SETD5: variants seen among roughly 807,000 people sequenced by gnomAD.
SETD5 encodes SET domain containing 5.
SETD5 carries 44 observed loss-of-function variants against 153.3 expected under a neutral mutation model. That is an observed-to-expected ratio of 0.29 (90% CI 0.23 to 0.37). The LOEUF is 0.37. Ranked by LOEUF, SETD5 falls within the 10% of genes least tolerant of loss-of-function variation. The probability of loss-of-function intolerance (pLI) is 1.00; values close to 1 mark genes in which losing one functional copy is unlikely to be tolerated. For missense variants in SETD5, 1,544 were observed against 1,768.0 expected (o/e 0.87, Z 2.27); for synonymous variants, 716 against 645.2 (o/e 1.11, Z -1.66).
At chr3:9,471,811 G>A (rs1470021306) in intron 19 of SETD5, among the ~76,000 whole-genome samples, 1 of 152,226 alleles carries the variant, frequency 6.6e-6, no homozygotes, top group Non-Finnish European at 1.5e-5. Flanking sequence ...TGAATGTCCT[G>A]TATAGGGGAC....
chr3:9,447,262 C>A lies in SETD5; in HGVS notation c.1737C>A (p.Thr579=), dbSNP rs757646269. The A allele has an allele frequency of 1.2e-6, 2 of 1,614,022 alleles. No individual in the cohort carries two copies. The highest frequency in any genetic ancestry group is 4.5e-5 in the East Asian group (2 of 44,882). Reference sequence around the variant, plus strand: ...TTTCAAATGTTACCATCCCAAGCACCCCACAGAGTGTTGGTGTGAATACCC... The same window carrying A: ...TTTCAAATGTTACCATCCCAAGCACACCACAGAGTGTTGGTGTGAATACCC... ...NSVSNVTIPS[T]PQSVGVNTRR... is the part of the protein sequence containing the mutation. The change falls in exon 14 of 23, where the codon ACC becomes ACA. Residue 579 remains threonine (T), a synonymous_variant. Coordinates refer to ENST00000402198, the MANE Select transcript of SETD5 (RefSeq NM_001080517.3).
intron 3 of SETD5, chr3:9,429,275 A>T: frequency 4.0e-6 from 1 of 252,640 alleles, no homozygotes; most frequent in Non-Finnish European, 7.8e-6. Flanking sequence ...CATTTGTTTT[A>T]ATGGGTGGAG....
intron 9 of SETD5, 48 bp from the exon 10 acceptor site, chr3:9,442,080 C>A (rs771736764): frequency 1.6e-6 from 2 of 1,272,026 alleles, no homozygotes; most frequent in Admixed American, 1.9e-5. Flanking sequence ...CATGGGGTGG[C>A]CTTCTTATTT....
At chr3:9,452,457 G>C (rs533364789) in intron 16 of SETD5, among the ~76,000 whole-genome samples, 1 of 152,240 alleles carries the variant, frequency 6.6e-6, no homozygotes, top group African/African-American at 2.4e-5. Context: ...ATCTAAGATA[G>C]TTCATTCTTC....
intron 18 of SETD5, chr3:9,464,922 T>G (rs2044378656): frequency 1.9e-6 from 1 of 530,338 alleles, no homozygotes; most frequent in Non-Finnish European, 3.4e-6. Flanking sequence ...ATGCAGTCCA[T>G]CAATCTCCAT....
intron 19 of SETD5, among the ~76,000 whole-genome samples, chr3:9,471,379 A>G (rs892895738): frequency 1.3e-5 from 2 of 152,220 alleles, no homozygotes; most frequent in Non-Finnish European, 2.9e-5. Context: ...TTGAGAGAGA[A>G]GGCTGGAGTG....
chr3:9,459,475 A>T (rs868166703), intron 17 of SETD5, among the ~76,000 whole-genome samples: 1 of 152,160 alleles, frequency 6.6e-6, no homozygotes, highest in Non-Finnish European at 1.5e-5. Context: ...AATTTGTAAG[A>T]ATATTAAAAG....
At chr3:9,442,991 G>T (rs771331086) in intron 10 of SETD5, 54 of 210,366 alleles carry the variant, frequency 2.6e-4, no homozygotes, top group Admixed American at 2.7e-4. Context: ...CGTGAGCCGA[G>T]ATCACGCCAC....
At chr3:9,429,915 G>C in intron 3 of SETD5, 3 of 1,303,412 alleles carry the variant, frequency 2.3e-6, no homozygotes, top group Non-Finnish European at 3.0e-6. Flanking sequence ...AGGGGCCTAG[G>C]GGGCAGCACA....
Position 9,448,017 on chromosome 3 carries a change from A to T in SETD5, c.2103+11A>T. On this transcript the variant is annotated intron_variant, in intron 15 of 22. Coordinates refer to ENST00000402198, the MANE Select transcript of SETD5 (RefSeq NM_001080517.3). ...CCCAAAACCAAAAAGGTAAGTCACA[A>T]ATGCATCCTTTATAAGTCCAGTCTG... The T allele has an allele frequency of 3.7e-6, 6 of 1,607,710 alleles. No individual in the cohort carries two copies. The highest frequency in any genetic ancestry group is 3.3e-5 in the South Asian group (3 of 90,418).
At chr3:9,430,965 G>A in intron 3 of SETD5, 1 of 985,400 alleles carries the variant, frequency 1.0e-6, no homozygotes, top group Non-Finnish European at 1.2e-6. Context: ...TCTGCAAAGG[G>A]AAAGAATGTC....
At chr3:9,474,947 A>T (rs572125288) in intron 21 of SETD5, 121 bp from the exon 22 acceptor site, 5 of 871,856 alleles carry the variant, frequency 5.7e-6, no homozygotes, top group Non-Finnish European at 8.7e-6. Context: ...CACTCACCCA[A>T]TTTGTCACAA....
intron 3 of SETD5, chr3:9,430,074 T>C (rs1033994809): frequency 3.8e-6 from 4 of 1,053,678 alleles, no homozygotes; most frequent in East Asian, 9.6e-5. Context: ...CTAATTCCCC[T>C]GTTTCTCTTG....
At chr3:9,457,257 GAT>G (rs1245028918) in intron 17 of SETD5, among the ~76,000 whole-genome samples, 23 of 152,214 alleles carry the variant, frequency 1.5e-4, no homozygotes, top group Non-Finnish European at 1.3e-4. Context: ...GGGAGGCCGA[GAT>G]GGGTGGATCA....
intron 1 of SETD5, among the ~76,000 whole-genome samples, chr3:9,412,900 T>G (rs942324121): frequency 1.3e-5 from 2 of 151,694 alleles, no homozygotes; most frequent in Admixed American, 6.6e-5. Context: ...CATTTTACTT[T>G]CATACTTTAT....
intron 1 of SETD5, among the ~76,000 whole-genome samples, chr3:9,399,585 A>G (rs1021506355): frequency 2.6e-5 from 4 of 152,206 alleles, no homozygotes. Context: ...TTGGTAGGAC[A>G]TGACACAAGG....
chr3:9,412,083 GT>G (rs1489970398), intron 1 of SETD5, among the ~76,000 whole-genome samples: 3 of 151,878 alleles, frequency 2.0e-5, no homozygotes, highest in Admixed American at 1.3e-4. Flanking sequence ...GTCACAGGTG[GT>G]TTTTTTGTTT....
At chr3:9,442,036 C>A in intron 9 of SETD5, 92 bp from the exon 10 acceptor site, 2 of 866,710 alleles carry the variant, frequency 2.3e-6, no homozygotes, top group South Asian at 1.5e-5. Flanking sequence ...AAGACTGCTG[C>A]TGCTTCTCTC....
chr3:9,435,320 G>C (rs745470685), intron 6 of SETD5, among the ~76,000 whole-genome samples: 1 of 151,288 alleles, frequency 6.6e-6, no homozygotes, highest in Non-Finnish European at 1.5e-5. Context: ...CACAGAAAGA[G>C]ATAGAAGTCC....
Sources: allele counts gnomAD v4.1 joint callset (sites outside exome capture counted in the v4.1 genomes callset), GRCh38; gene constraint gnomAD v4.1.1; transcripts MANE v1.5; gene names NCBI Gene and HGNC (gene_info 2026-07-23, HGNC 2026-07-21).